The following SNAP23 variants were observed in gnomAD, a reference collection of about 807,000 sequenced individuals.
SNAP23 encodes synaptosomal-associated protein 23.
In SNAP23, 11 loss-of-function variants were observed where a neutral mutation model predicts 29.0. The observed-to-expected ratio is 0.38, with a 90% CI of 0.24 to 0.63. The LOEUF (loss-of-function observed/expected upper bound fraction) is 0.63, where lower values mean the gene tolerates loss of function less well. SNAP23 is among the 20% of genes least tolerant of loss of function. The pLI is 0.58. For synonymous variants in SNAP23, 60 were observed against 82.9 expected (o/e 0.72, Z 1.50); for missense variants, 220 against 253.9 (o/e 0.87, Z 0.91).
At chr15:42,496,794 C>T (rs1055175909) in intron 1 of SNAP23, among the ~76,000 whole-genome samples, 4 of 152,036 alleles carry the variant, frequency 2.6e-5, no homozygotes, top group Non-Finnish European at 5.9e-5. Context: ...ACTCTCAGTT[C>T]TGCATGGCTG....
At chr15:42,513,898 C>T (rs1313921313) in intron 4 of SNAP23, among the ~76,000 whole-genome samples, 1 of 152,102 alleles carries the variant, frequency 6.6e-6, no homozygotes, top group Non-Finnish European at 1.5e-5. Context: ...ACTGCAACCT[C>T]CTCCTCCTGG....
At position 42,500,856 on chromosome 15, in the gene SNAP23, G is replaced by A. The variant is rs537991962; in HGVS notation, c.-15+5143G>A. Among the ~76,000 whole-genome samples the A allele has an allele frequency of 1.4e-4, 21 of 152,222 alleles. No individual in the cohort carries two copies. In the South Asian group the frequency reaches 3.1e-3, roughly 23 times the overall value. On this transcript the variant is annotated intron_variant, in intron 1 of 7. Coordinates refer to ENST00000249647, the MANE Select transcript of SNAP23 (RefSeq NM_003825.4). ...CCATTTGTATTCATTTAGATTCACT[G>A]ACATTTTGGTTTGGGTTTCAATTTA...
In SNAP23 at chr15:42,529,351, GT is replaced by G. The variant is rs534129391; in HGVS notation, c.426-321del. Among the ~76,000 whole-genome samples, 231 of 152,312 alleles carry G rather than the reference GT, an allele frequency of 1.5e-3. 1 individual carries two copies. Among genetic ancestry groups the G allele is most frequent in the African/African-American group, 5.4e-3 (223 of 41,576 alleles). ...CGTAGGTTTCTGGGATGCACTTACAGTTTCTGATTGAGTAGGTCTGGAATGG... is the reference window on the plus strand; with the variant it reads ...CGTAGGTTTCTGGGATGCACTTACAGTTCTGATTGAGTAGGTCTGGAATGG... On this transcript the variant is annotated intron_variant, in intron 6 of 7. Coordinates refer to ENST00000249647, the MANE Select transcript of SNAP23 (RefSeq NM_003825.4).
At chr15:42,518,743 C>CTGAAAG (rs60323851) in intron 5 of SNAP23, among the ~76,000 whole-genome samples, 29,784 of 151,958 alleles carry the variant, frequency 0.2, 3,699 homozygotes, top group African/African-American at 0.36. Context: ...CTAAAAAACT[C>CTGAAAG]CTAAAGTTTT....
At chr15:42,501,099 G>A (rs1390815484) in intron 1 of SNAP23, among the ~76,000 whole-genome samples, 1 of 152,172 alleles carries the variant, frequency 6.6e-6, no homozygotes, top group African/African-American at 2.4e-5. Flanking sequence ...AGCTACCTGG[G>A]AGGCTGAAGT....
intron 1 of SNAP23, among the ~76,000 whole-genome samples, chr15:42,503,459 T>C (rs1320115802): frequency 6.6e-6 from 1 of 150,958 alleles, no homozygotes; most frequent in Non-Finnish European, 1.5e-5. Flanking sequence ...AACCTCTGCC[T>C]CCTGGGTTCA....
chr15:42,511,422 C>CT (rs1325892552), intron 1 of SNAP23, among the ~76,000 whole-genome samples: 1 of 152,186 alleles, frequency 6.6e-6, no homozygotes, highest in Non-Finnish European at 1.5e-5. Context: ...AATTTTGTTA[C>CT]TTTACTAAAT....
At chr15:42,518,224 G>T (rs1323348804) in intron 5 of SNAP23, among the ~76,000 whole-genome samples, 1 of 151,940 alleles carries the variant, frequency 6.6e-6, no homozygotes, top group Non-Finnish European at 1.5e-5. Context: ...TATCATTCTT[G>T]CCTGTGTCTT....
At chr15:42,529,018 G>A (rs574063720) in intron 6 of SNAP23, among the ~76,000 whole-genome samples, 76 of 152,286 alleles carry the variant, frequency 5.0e-4, no homozygotes, top group African/African-American at 1.7e-3. Flanking sequence ...GTTTTAAAAT[G>A]TGTCATCTAG....
intron 1 of SNAP23, among the ~76,000 whole-genome samples, chr15:42,499,300 G>A (rs191698104): frequency 1.8e-4 from 27 of 152,222 alleles, no homozygotes; most frequent in Admixed American, 3.3e-4. Context: ...TCGAGCTCCC[G>A]ACCTCAGGTG....
At chr15:42,519,468 T>C (rs2057425725) in intron 5 of SNAP23, among the ~76,000 whole-genome samples, 1 of 151,640 alleles carries the variant, frequency 6.6e-6, no homozygotes, top group African/African-American at 2.4e-5. Context: ...GCTTCCTGGG[T>C]TCAATCGATT....
intron 1 of SNAP23, among the ~76,000 whole-genome samples, chr15:42,496,328 G>GA (rs1209525659): frequency 1.3e-5 from 2 of 151,554 alleles, no homozygotes; most frequent in East Asian, 1.9e-4. Flanking sequence ...AGTGGGAGAG[G>GA]AAAAAAAAGT....
At chr15:42,518,703 G>T (rs1386925848) in intron 5 of SNAP23, among the ~76,000 whole-genome samples, 5 of 152,094 alleles carry the variant, frequency 3.3e-5, no homozygotes, top group African/African-American at 1.2e-4. Flanking sequence ...GCAGGCATGA[G>T]CCATTAAGCC....
At chr15:42,509,888 G>A (rs904282502) in intron 1 of SNAP23, among the ~76,000 whole-genome samples, 8 of 152,018 alleles carry the variant, frequency 5.3e-5, no homozygotes, top group African/African-American at 1.4e-4. Flanking sequence ...GGCCAACATG[G>A]TGAAACCCCA....
chr15:42,503,398 C>T (rs1297572388), intron 1 of SNAP23, among the ~76,000 whole-genome samples: 1 of 134,066 alleles, frequency 7.5e-6, no homozygotes, highest in Non-Finnish European at 1.5e-5. Flanking sequence ...GAGATGGTGT[C>T]TCACTCCGTT....
chr15:42,495,659 G>C lies in SNAP23; in HGVS notation c.-69G>C, dbSNP rs916982132. 1 of 152,478 alleles carries C rather than the reference G, an allele frequency of 6.6e-6. No homozygotes were observed. Among genetic ancestry groups the C allele is most frequent in the East Asian group, 1.9e-4 (1 of 5,204 alleles). 9.4% of individuals were successfully genotyped at this position (152,478 alleles called of 1,614,324 possible). A position where few individuals can be genotyped will look rare whatever the true frequency, so the allele number is the denominator to read the frequency against. The stretch of plus-strand genomic sequence containing the variant: ...AGGCGCGACTAGGGTGCAGCGCCAG[G>C]TCCGGTGTTGGGGTGTCCGAGTTGC... On this transcript the variant is annotated 5_prime_UTR_variant, in exon 1 of 8. Coordinates refer to ENST00000249647, the MANE Select transcript of SNAP23 (RefSeq NM_003825.4).
chr15:42,528,132 T>A, intron 5 of SNAP23, 130 bp from the exon 6 acceptor site: 2 of 560,902 alleles, frequency 3.6e-6, no homozygotes, highest in East Asian at 3.1e-5. Flanking sequence ...GTGTAGATCA[T>A]CTAGACTTAG....
At chr15:42,491,327 C>T (rs1382080882), upstream of SNAP23, 1 of 152,340 alleles carries the variant, frequency 6.6e-6, no homozygotes, top group African/African-American at 2.4e-5. Flanking sequence ...CTATGAACAG[C>T]CTCCCTGGTC....
At chr15:42,530,431 G>A (rs1007138184) in intron 7 of SNAP23, among the ~76,000 whole-genome samples, 1 of 152,116 alleles carries the variant, frequency 6.6e-6, no homozygotes, top group African/African-American at 2.4e-5. Context: ...TAGTGAAAGC[G>A]AAATTGTTTT....
Sources: gnomAD v4.1 joint callset for allele counts (sites outside exome capture counted in the v4.1 genomes callset) on GRCh38, gnomAD v4.1.1 for gene constraint, MANE v1.5 for transcripts, NCBI Gene and HGNC (gene_info 2026-07-23, HGNC 2026-07-21) for gene names.